MAP2: variants seen among roughly 807,000 people sequenced by gnomAD.
MAP2 encodes the protein microtubule associated protein 2.
In MAP2, 14 loss-of-function variants were observed where a neutral mutation model predicts 137.6. The observed-to-expected ratio is 0.10, with a 90% CI of 0.07 to 0.16. The LOEUF (loss-of-function observed/expected upper bound fraction) is 0.16. Ranked by LOEUF, MAP2 falls within the 10% of genes least tolerant of loss-of-function variation. The probability of loss-of-function intolerance (pLI) is 1.00; values close to 1 mark genes in which losing one functional copy is unlikely to be tolerated. For missense variants in MAP2, 2,088 were observed against 2,191.5 expected (o/e 0.95, Z 0.94); for synonymous variants, 786 against 782.3 (o/e 1.00, Z -0.08).
At chr2:209,625,859 A>C (rs1321281304) in intron 4 of MAP2, among the ~76,000 whole-genome samples, 1 of 152,202 alleles carries the variant, frequency 6.6e-6, no homozygotes, top group African/African-American at 2.4e-5. Flanking sequence ...TATATGCTTT[A>C]GCTCAGTTAC....
At chr2:209,438,821 A>T (rs2149372633) in intron 1 of MAP2, among the ~76,000 whole-genome samples, 1 of 151,628 alleles carries the variant, frequency 6.6e-6, no homozygotes, top group Non-Finnish European at 1.5e-5. Flanking sequence ...GCTGTTACAT[A>T]TCATCTTCAT....
chr2:209,717,621 A>G (rs1156433522), intron 13 of MAP2, among the ~76,000 whole-genome samples: 2 of 152,224 alleles, frequency 1.3e-5, no homozygotes, highest in Non-Finnish European at 2.9e-5. Flanking sequence ...GGTTACCACT[A>G]TGAAGGTCTA....
intron 12 of MAP2, 104 bp from the exon 13 acceptor site, chr2:209,709,810 T>C: frequency 1.2e-6 from 1 of 813,200 alleles, no homozygotes; most frequent in Non-Finnish European, 1.9e-6. Context: ...CTAAATACCT[T>C]AGAAATTAAA....
chr2:209,664,127 C>T (rs1202962467), intron 5 of MAP2, among the ~76,000 whole-genome samples: 1 of 152,218 alleles, frequency 6.6e-6, no homozygotes, highest in Non-Finnish European at 1.5e-5. Flanking sequence ...GTTTTTATTA[C>T]AGTCAGTAGG....
At chr2:209,596,774 C>T (rs184829901) in intron 3 of MAP2, among the ~76,000 whole-genome samples, 2 of 152,252 alleles carry the variant, frequency 1.3e-5, no homozygotes, top group East Asian at 1.9e-4. Flanking sequence ...TAACTCAAAG[C>T]GAGTTCATTT....
rs767244542 is a variant in MAP2, at chr2:209,693,698, T to G, written c.1528T>G (p.Ser510Ala). Reference protein sequence around the residue: ...PVSLEQAVTDSAMTSKTLEKA... With the variant: ...PVSLEQAVTDAAMTSKTLEKA... Reference sequence around the variant, plus strand: ...AAGTTTGGAGCAAGCAGTTACAGATTCAGCCATGACCTCTAAAACACTGGA... The same window carrying G: ...AAGTTTGGAGCAAGCAGTTACAGATGCAGCCATGACCTCTAAAACACTGGA... Residue 510 changes from serine (S) to alanine (A), a missense_variant, in exon 8 of 16, where the codon TCA becomes GCA. Ser to Ala is a moderately conservative substitution (Grantham distance 99). This residue lies in a region of MAP2 where 859 missense variants were observed against 794.5 expected (regional missense o/e 1.08). Coordinates refer to ENST00000682079, the MANE Select transcript of MAP2 (RefSeq NM_001375505.1). 14 of 1,613,448 alleles carry G rather than the reference T, an allele frequency of 8.7e-6. No individual in the cohort carries two copies. Among genetic ancestry groups the G allele is most frequent in the Non-Finnish European group, 1.2e-5 (14 of 1,179,940 alleles).
At chr2:209,707,676 A>G (rs1336109876) in intron 12 of MAP2, among the ~76,000 whole-genome samples, 2 of 152,176 alleles carry the variant, frequency 1.3e-5, no homozygotes, top group East Asian at 3.8e-4. Flanking sequence ...CAAATAAGAA[A>G]CATTCAAATT....
intron 3 of MAP2, among the ~76,000 whole-genome samples, chr2:209,615,782 T>A (rs774531995): frequency 6.6e-5 from 10 of 152,212 alleles, no homozygotes; most frequent in Admixed American, 1.3e-4. Context: ...TCCTGTTTAG[T>A]GCGCTTTCCT....
At chr2:209,449,967 G>T (rs1414974483) in intron 1 of MAP2, among the ~76,000 whole-genome samples, 1 of 151,968 alleles carries the variant, frequency 6.6e-6, no homozygotes, top group African/African-American at 2.4e-5. Flanking sequence ...TTGAGACAAA[G>T]TTTCACTCTT....
At chr2:209,516,287 G>A (rs1209804367) in intron 2 of MAP2, among the ~76,000 whole-genome samples, 1 of 152,148 alleles carries the variant, frequency 6.6e-6, no homozygotes, top group African/African-American at 2.4e-5. Flanking sequence ...GATAAAGAGA[G>A]TGGGCTTGAT....
intron 1 of MAP2, among the ~76,000 whole-genome samples, chr2:209,460,024 C>T (rs1702390064): frequency 6.6e-6 from 1 of 152,158 alleles, no homozygotes; most frequent in South Asian, 2.1e-4. Context: ...ACCTCCTTTA[C>T]AAAACAAATA....
At chr2:209,440,289 A>C (rs928882119) in intron 1 of MAP2, among the ~76,000 whole-genome samples, 1 of 151,580 alleles carries the variant, frequency 6.6e-6, no homozygotes, top group African/African-American at 2.4e-5. Flanking sequence ...AACAAAACTT[A>C]TTTCATCCTA....
At chr2:209,511,180 CTT>C (rs2061675363) in intron 2 of MAP2, among the ~76,000 whole-genome samples, 1 of 152,026 alleles carries the variant, frequency 6.6e-6, no homozygotes, top group African/African-American at 2.4e-5. Context: ...TTGATACTGT[CTT>C]TTAGTCTCAT....
chr2:209,510,671 A>G (rs935907356), intron 2 of MAP2, among the ~76,000 whole-genome samples: 1 of 152,064 alleles, frequency 6.6e-6, no homozygotes, highest in Non-Finnish European at 1.5e-5. Context: ...ATTTTAGAAT[A>G]TAAAATAGGA....
At chr2:209,665,888 C>A (rs183276553) in intron 5 of MAP2, among the ~76,000 whole-genome samples, 1 of 152,140 alleles carries the variant, frequency 6.6e-6, no homozygotes. Context: ...AATGAAAATG[C>A]TCCCATTTAC....
intron 1 of MAP2, among the ~76,000 whole-genome samples, chr2:209,446,720 C>T (rs944712656): frequency 1.3e-5 from 2 of 151,760 alleles, no homozygotes; most frequent in Admixed American, 6.6e-5. Context: ...TCTCAAATCA[C>T]GGGAGGTTTT....
In MAP2 at chr2:209,680,769, T is replaced by G; in HGVS notation, c.396T>G (p.Asn132Lys). ...ALPLAAEETA[N>K]LPPSPPPSPA... ...CTTTAGCAGCTGAAGAAACAGCTAATCTGCCTCCTTCTCCACCCCCATCAC... is the reference window on the plus strand; with the variant it reads ...CTTTAGCAGCTGAAGAAACAGCTAAGCTGCCTCCTTCTCCACCCCCATCAC... Residue 132 changes from asparagine (N) to lysine (K), a missense_variant, in exon 7 of 16, where the codon AAT (asparagine) becomes AAG (lysine). Physicochemically the swap from Asn to Lys is moderately conservative, Grantham distance 94 (BLOSUM62 0). Coordinates refer to ENST00000682079, the MANE Select transcript of MAP2 (RefSeq NM_001375505.1). The G allele has an allele frequency of 6.2e-7, 1 of 1,613,754 alleles. No individual in the cohort carries two copies. Among genetic ancestry groups the G allele is most frequent in the Non-Finnish European group, 8.5e-7 (1 of 1,179,698 alleles).
intron 13 of MAP2, among the ~76,000 whole-genome samples, chr2:209,722,516 G>GT (rs536503325): frequency 0.01 from 1,570 of 150,582 alleles, 7 homozygotes; most frequent in Non-Finnish European, 0.017. Context: ...TGAAAATGTT[G>GT]TTTTTTTTTC....
rs2094926130 is a variant in MAP2, at chr2:209,653,297, C to A, written c.127C>A (p.Arg43=). 6.2e-7 allele frequency: 1 copy of A among 1,613,958 alleles called. No homozygotes were observed. Residue 43 remains arginine, a synonymous_variant, in exon 5 of 16, where the codon CGA becomes AGA. Transcript: ENST00000682079. ...AGGCGGAGCAGGGGAAGGACTTGTC[C>A]GAAGCGCCAATGGATTCCCATACAG... The part of the protein sequence containing the change: ...DQGGAGEGLV[R]SANGFPYRED...
Sources: allele counts gnomAD v4.1 joint callset (sites outside exome capture counted in the v4.1 genomes callset), GRCh38; gene constraint gnomAD v4.1.1; regional missense constraint gnomAD v4.1.1; transcripts MANE v1.5; gene names NCBI Gene and HGNC (gene_info 2026-07-23, HGNC 2026-07-21).